DYRK1A: variants seen among roughly 807,000 people sequenced by gnomAD.
DYRK1A encodes the protein dual specificity tyrosine phosphorylation regulated kinase 1A.
In DYRK1A, 9 loss-of-function variants were observed where a neutral mutation model predicts 79.7. That is an observed-to-expected ratio of 0.11 (90% CI 0.07 to 0.20). The LOEUF (loss-of-function observed/expected upper bound fraction) is 0.20, where lower values mean the gene tolerates loss of function less well. Among genes scored for constraint, DYRK1A ranks in the 10% least tolerant of loss-of-function variants. The pLI is 1.00. For synonymous variants in DYRK1A, 349 were observed against 329.7 expected (o/e 1.06, Z -0.63); for missense variants, 622 against 956.0 (o/e 0.65, Z 4.61).
At position 37,450,795 on chromosome 21, in the gene DYRK1A, AAAT is replaced by A. The variant is rs140022025; in HGVS notation, c.11-21886_11-21884del. On this transcript the variant is annotated intron_variant, in intron 2 of 11. Transcript: ENST00000647188. ...CTTGTTGTTATGAGAATACAAAAAT[AAAT>A]AAGACCAGTACTTCCCTCCAAAGCA... Among the ~76,000 whole-genome samples, 1,017 of 152,334 alleles carry A rather than the reference AAAT, an allele frequency of 6.7e-3. 6 individuals are homozygous for A. The highest frequency in any genetic ancestry group is 0.023 in the African/African-American group (946 of 41,558).
At chr21:37,380,961 C>T (rs1452889737) in intron 1 of DYRK1A, among the ~76,000 whole-genome samples, 2 of 152,198 alleles carry the variant, frequency 1.3e-5, no homozygotes, top group Admixed American at 6.5e-5. Context: ...CTTCTATGCG[C>T]TCTTCGTTTT....
At chr21:37,464,184 T>C in intron 2 of DYRK1A, 1 of 373,046 alleles carries the variant, frequency 2.7e-6, no homozygotes, top group South Asian at 2.1e-5. Context: ...TTGTATTTGC[T>C]GTTTCCTCTG....
Position 37,519,057 on chromosome 21 carries a change from CT to C in DYRK1A, c.*6528del, listed in dbSNP as rs1487915556. 2 of 152,202 alleles carry C rather than the reference CT, an allele frequency of 1.3e-5. No individual in the cohort carries two copies. The highest frequency in any genetic ancestry group is 2.9e-5 in the Non-Finnish European group (2 of 68,032). 9.4% of individuals were successfully genotyped at this position (152,202 alleles called of 1,614,324 possible). On this transcript the variant is annotated 3_prime_UTR_variant, in exon 12 of 12. Transcript: ENST00000647188. ...AATTGCCAGATGTAAGTATATAAAA[CT>C]TACACAGTTTGTTCCTTTTTGTTGT...
intron 2 of DYRK1A, among the ~76,000 whole-genome samples, chr21:37,469,134 A>C (rs2052134695): frequency 6.6e-6 from 1 of 152,244 alleles, no homozygotes; most frequent in South Asian, 2.1e-4. Context: ...TACACTTAGC[A>C]TAATGGCTGA....
chr21:37,398,843 A>G (rs1052682318), intron 1 of DYRK1A, among the ~76,000 whole-genome samples: 24 of 152,162 alleles, frequency 1.6e-4, no homozygotes, highest in Non-Finnish European at 2.2e-4. Context: ...GTTCAGAGGA[A>G]CGGAGAGGCC....
rs2052884582 is a variant in DYRK1A at position 37,486,773 on chromosome 21, C to A, written c.637+159C>A. On this transcript the variant is annotated intron_variant, in intron 6 of 11. Coordinates refer to ENST00000647188, the MANE Select transcript of DYRK1A (RefSeq NM_001347721.2). ...GCAAGATTTATATAAGTGACTTGAT[C>A]TGGTAGTAATAGTCTAAATCTTGGG... The A allele has an allele frequency of 4.7e-6, 3 of 633,984 alleles. No homozygotes were observed. The East Asian group carries it at 1.0e-4, about 22-fold the overall frequency. 39.3% of individuals were successfully genotyped at this position (633,984 alleles called of 1,614,324 possible).
chr21:37,518,989 G>A lies in DYRK1A; in HGVS notation c.*6458G>A, dbSNP rs1196607282. 2.6e-5 allele frequency: 4 copies of A among 152,142 alleles called. No individual in the cohort carries two copies. 9.4% of individuals were successfully genotyped at this position (152,142 alleles called of 1,614,324 possible). A position where few individuals can be genotyped will look rare whatever the true frequency, so the allele number is the denominator to read the frequency against. On this transcript the variant is annotated 3_prime_UTR_variant, in exon 12 of 12. Coordinates refer to ENST00000647188, the MANE Select transcript of DYRK1A (RefSeq NM_001347721.2). ...GGATAATTAAAATTTTCAATTTATGGTGCATTACAAAATGTTATAAACAAG... is the reference window on the plus strand; with the variant it reads ...GGATAATTAAAATTTTCAATTTATGATGCATTACAAAATGTTATAAACAAG...
chr21:37,416,337 T>TTTTTTA (rs964749412), intron 1 of DYRK1A, among the ~76,000 whole-genome samples: 1 of 148,456 alleles, frequency 6.7e-6, no homozygotes, highest in Non-Finnish European at 1.5e-5. Context: ...TTTTTTTTTT[T>TTTTTTA]AAAGACTGTG....
chr21:37,417,974 T>C (rs2050390028), intron 1 of DYRK1A, among the ~76,000 whole-genome samples: 1 of 152,160 alleles, frequency 6.6e-6, no homozygotes, highest in Admixed American at 6.5e-5. Context: ...ATGAAAAATA[T>C]ACTCTATATT....
At chr21:37,420,105 T>A (rs547527407) in intron 1 of DYRK1A, 194 bp from the exon 2 acceptor site, 1 of 275,676 alleles carries the variant, frequency 3.6e-6, no homozygotes, top group Admixed American at 5.2e-5. Flanking sequence ...CAATTGAATA[T>A]ATTTTATATA....
chr21:37,392,668 C>G (rs2049893090), intron 1 of DYRK1A, among the ~76,000 whole-genome samples: 1 of 152,198 alleles, frequency 6.6e-6, no homozygotes, highest in African/African-American at 2.4e-5. Context: ...AAAGGCTCCA[C>G]CTCTTAATAC....
At chr21:37,489,378 A>G (rs555993848) in intron 6 of DYRK1A, among the ~76,000 whole-genome samples, 3 of 152,262 alleles carry the variant, frequency 2.0e-5, no homozygotes, top group Non-Finnish European at 2.9e-5. Context: ...TTAAAGCACA[A>G]TCTTTGAGGC....
intron 2 of DYRK1A, among the ~76,000 whole-genome samples, chr21:37,440,099 G>A (rs1226082437): frequency 2.0e-5 from 2 of 97,616 alleles, no homozygotes; most frequent in Non-Finnish European, 4.7e-5. Context: ...CCTTATTTTT[G>A]TTATTCCGTT....
intron 2 of DYRK1A, among the ~76,000 whole-genome samples, chr21:37,436,217 A>G (rs756583386): frequency 1.2e-4 from 19 of 152,202 alleles, no homozygotes; most frequent in African/African-American, 4.1e-4. Context: ...TTAAGGTTTT[A>G]AATATCACTT....
intron 1 of DYRK1A, among the ~76,000 whole-genome samples, chr21:37,369,243 C>T (rs2049381449): frequency 6.6e-6 from 1 of 152,074 alleles, no homozygotes; most frequent in Non-Finnish European, 1.5e-5. Context: ...TTACCTTTAG[C>T]TTTTGTGTTG....
intron 1 of DYRK1A, among the ~76,000 whole-genome samples, chr21:37,373,501 T>G (rs1013226128): frequency 1.3e-5 from 2 of 152,220 alleles, no homozygotes; most frequent in South Asian, 2.1e-4. Flanking sequence ...TTATTTTTCC[T>G]TCATAAAACA....
chr21:37,450,370 G>A (rs2051406428), intron 2 of DYRK1A, among the ~76,000 whole-genome samples: 1 of 152,218 alleles, frequency 6.6e-6, no homozygotes, highest in African/African-American at 2.4e-5. Flanking sequence ...GAAATAAGTT[G>A]TGGTATAAGA....
chr21:37,366,570 G>C (rs1348909474), upstream of DYRK1A, among the ~76,000 whole-genome samples: 1 of 151,502 alleles, frequency 6.6e-6, no homozygotes, highest in Non-Finnish European at 1.5e-5. Context: ...ACTCGTAGCG[G>C]ACCCGAGCTC....
At position 37,484,368 on chromosome 21, in the gene DYRK1A, G is replaced by T. The variant is rs1220328886; in HGVS notation, c.490-2099G>T. ...TTTGAGATGGAGTTTTGCTTTTGTT[G>T]CCCAGGCTGGAGTGCAATGGTGTGA... On this transcript the variant is annotated intron_variant, in intron 5 of 11. Transcript: ENST00000647188. 4.8e-5 allele frequency among the ~76,000 whole-genome samples: 6 copies of T among 124,756 alleles called. No individual in the cohort carries two copies. The South Asian group carries it at 1.1e-3, about 22-fold the overall frequency. 81.8% of individuals were successfully genotyped at this position (124,756 alleles called of 152,430 possible).
Sources: gnomAD v4.1 joint callset for allele counts (sites outside exome capture counted in the v4.1 genomes callset) on GRCh38, gnomAD v4.1.1 for gene constraint, MANE v1.5 for transcripts, NCBI Gene and HGNC (gene_info 2026-07-23, HGNC 2026-07-21) for gene names.